DMRT1: variants seen among roughly 807,000 people sequenced by gnomAD.
DMRT1 encodes doublesex- and mab-3-related transcription factor 1.
A neutral mutation model predicts 32.3 loss-of-function variants in DMRT1; 7 were observed. That is an observed-to-expected ratio of 0.22 (90% CI 0.12 to 0.41). The LOEUF (loss-of-function observed/expected upper bound fraction) is 0.41. Ranked by LOEUF, DMRT1 falls within the 10% of genes least tolerant of loss-of-function variation. The pLI is 1.00. For missense variants in DMRT1, 625 were observed against 500.5 expected (o/e 1.25, Z -2.37); for synonymous variants, 278 against 206.1 (o/e 1.35, Z -2.99).
At chr9:891,105 C>A (rs1817130947) in intron 2 of DMRT1, among the ~76,000 whole-genome samples, 1 of 151,036 alleles carries the variant, frequency 6.6e-6, no homozygotes, top group Admixed American at 6.6e-5. Context: ...TTTGGGAGGA[C>A]AAGGTGGTTT....
chr9:888,614 C>T (rs1586570789), intron 2 of DMRT1, among the ~76,000 whole-genome samples: 1 of 151,512 alleles, frequency 6.6e-6, no homozygotes. Flanking sequence ...TTGTTGTATA[C>T]TTTTATTTAA....
chr9:897,379 G>C (rs1290312842), intron 3 of DMRT1, among the ~76,000 whole-genome samples: 1 of 151,952 alleles, frequency 6.6e-6, no homozygotes, highest in Non-Finnish European at 1.5e-5. Context: ...GGCTCCCAAA[G>C]TGCTGGGATT....
At chr9:870,249 AT>A (rs1343375287) in intron 2 of DMRT1, among the ~76,000 whole-genome samples, 1 of 152,126 alleles carries the variant, frequency 6.6e-6, no homozygotes, top group Non-Finnish European at 1.5e-5. Context: ...AATACAAAAA[AT>A]TAGCTGGGCG....
At chr9:886,324 C>T (rs553827554) in intron 2 of DMRT1, among the ~76,000 whole-genome samples, 18 of 152,286 alleles carry the variant, frequency 1.2e-4, no homozygotes, top group South Asian at 2.1e-4. Flanking sequence ...GGTGCGATCT[C>T]GGCTCACTGC....
intron 2 of DMRT1, among the ~76,000 whole-genome samples, chr9:857,456 G>A (rs980996162): frequency 1.1e-4 from 17 of 152,256 alleles, no homozygotes; most frequent in African/African-American, 3.9e-4. Context: ...GACCTGGAGA[G>A]AGTTTTTCTT....
intron 2 of DMRT1, among the ~76,000 whole-genome samples, chr9:862,270 C>G (rs976391390): frequency 1.1e-4 from 17 of 152,190 alleles, no homozygotes; most frequent in Non-Finnish European, 1.9e-4. Context: ...GAGGCCGAGG[C>G]TGGCAGACCA....
chr9:876,519 G>A (rs73384502), intron 2 of DMRT1, among the ~76,000 whole-genome samples: 3,028 of 140,186 alleles, frequency 0.022, 95 homozygotes, highest in African/African-American at 0.072. Flanking sequence ...TTGACTCCTC[G>A]TCAATAGGCT....
At chr9:878,721 C>T (rs1013210419) in intron 2 of DMRT1, among the ~76,000 whole-genome samples, 5 of 152,100 alleles carry the variant, frequency 3.3e-5, no homozygotes, top group Admixed American at 6.6e-5. Flanking sequence ...TGGCAGAAAA[C>T]GTTATGGCCG....
rs767829750 is a variant in DMRT1 at position 847,030 on chromosome 9, C to T, written c.425C>T (p.Ala142Val). ...AGCCACCCCATCCCACTGCCCAGTGCGGCCGAGCTGCTTGTCAAAAGAGAG... is the reference window on the plus strand; with the variant it reads ...AGCCACCCCATCCCACTGCCCAGTGTGGCCGAGCTGCTTGTCAAAAGAGAG... ...GISHPIPLPS[A>V]AELLVKRENN... is the part of the protein sequence containing the mutation. The change falls in exon 2 of 5, where the codon GCG (alanine) becomes GTG (valine). Residue 142 changes from alanine to valine, a missense_variant. This residue lies in a region of DMRT1 where 416 missense variants were observed against 321.6 expected (regional missense o/e 1.29). Transcript: ENST00000382276. 4.3e-6 allele frequency: 7 copies of T among 1,614,110 alleles called. No homozygotes were observed. Among genetic ancestry groups the T allele is most frequent in the South Asian group, 2.2e-5 (2 of 91,078 alleles).
intron 4 of DMRT1, among the ~76,000 whole-genome samples, chr9:941,678 G>A (rs777747047): frequency 5.9e-5 from 9 of 152,222 alleles, no homozygotes; most frequent in Non-Finnish European, 1.2e-4. Flanking sequence ...TTAAAAAATG[G>A]TTAGGATGGT....
At chr9:851,834 T>G (rs1389181453) in intron 2 of DMRT1, among the ~76,000 whole-genome samples, 2 of 152,224 alleles carry the variant, frequency 1.3e-5, no homozygotes, top group Non-Finnish European at 2.9e-5. Flanking sequence ...GTTGTTATTT[T>G]CTTACATGAT....
At chr9:938,121 C>G (rs1235718991) in intron 4 of DMRT1, among the ~76,000 whole-genome samples, 1 of 152,034 alleles carries the variant, frequency 6.6e-6, no homozygotes, top group Non-Finnish European at 1.5e-5. Context: ...AGTGAGTGGT[C>G]TTAGCACACT....
At chr9:906,224 C>G (rs1337207269) in intron 3 of DMRT1, among the ~76,000 whole-genome samples, 1 of 152,166 alleles carries the variant, frequency 6.6e-6, no homozygotes, top group African/African-American at 2.4e-5. Flanking sequence ...GGTCACCAGC[C>G]TGCGTCGGAT....
intron 2 of DMRT1, among the ~76,000 whole-genome samples, chr9:878,200 G>GCCCCCCCCCCCCCCCCC (rs34336062): frequency 2.1e-5 from 2 of 94,034 alleles, no homozygotes; most frequent in African/African-American, 4.3e-5. Flanking sequence ...TGCAGCTGCT[G>GCCCCCCCCCCCCCCCCC]CCCCCCCCCC....
At chr9:952,858 A>G (rs1226964175) in intron 4 of DMRT1, among the ~76,000 whole-genome samples, 3 of 152,186 alleles carry the variant, frequency 2.0e-5, no homozygotes, top group Middle Eastern at 3.2e-3. Context: ...AATTAATTAT[A>G]TTGTGACCAA....
chr9:901,186 TG>T (rs1440434559), intron 3 of DMRT1, among the ~76,000 whole-genome samples: 1 of 152,086 alleles, frequency 6.6e-6, no homozygotes, highest in Non-Finnish European at 1.5e-5. Flanking sequence ...AGCTAATTTC[TG>T]TACTTTTTGT....
intron 2 of DMRT1, among the ~76,000 whole-genome samples, chr9:856,288 G>A (rs563466197): frequency 9.9e-5 from 15 of 152,240 alleles, no homozygotes; most frequent in African/African-American, 3.6e-4. Context: ...CATATACCAG[G>A]TAATTCATTT....
intron 4 of DMRT1, among the ~76,000 whole-genome samples, chr9:938,457 C>G (rs1229524814): frequency 6.6e-6 from 1 of 152,110 alleles, no homozygotes; most frequent in African/African-American, 2.4e-5. Flanking sequence ...TTTCTTTAAG[C>G]ATTTTTAATA....
At chr9:959,337 G>A (rs1182560252) in intron 4 of DMRT1, among the ~76,000 whole-genome samples, 1 of 152,210 alleles carries the variant, frequency 6.6e-6, no homozygotes, top group Admixed American at 6.5e-5. Context: ...TAAAAGCTGG[G>A]GGCCTTTGGC....
Sources: gnomAD v4.1 joint callset for allele counts (sites outside exome capture counted in the v4.1 genomes callset) on GRCh38, gnomAD v4.1.1 for gene constraint, gnomAD v4.1.1 regional missense constraint, MANE v1.5 for transcripts, NCBI Gene and HGNC (gene_info 2026-07-23, HGNC 2026-07-21) for gene names.